The following UGT1A5 variants were observed in gnomAD, a reference collection of about 807,000 sequenced individuals.
The protein encoded by UGT1A5 is UDP glucuronosyltransferase family 1 member A5.
A neutral mutation model predicts 40.3 loss-of-function variants in UGT1A5; 29 were observed. That is an observed-to-expected ratio of 0.72 (90% CI 0.54 to 0.98). The LOEUF (loss-of-function observed/expected upper bound fraction) is 0.98, where lower values mean the gene tolerates loss of function less well. Ranked by LOEUF, UGT1A5 falls within the 50% of genes least tolerant of loss-of-function variation. The pLI is 0.00. For missense variants in UGT1A5, 678 were observed against 677.9 expected, an observed-to-expected ratio of 1.00 and a Z score of 0.00; for synonymous variants, 257 against 262.5, an observed-to-expected ratio of 0.98 and a Z score of 0.20.
Position 233,768,229 on chromosome 2 carries a change from T to C in UGT1A5, c.1097T>C (p.Met366Thr), listed in dbSNP as rs371224646. ...CTATTTTGCATCTCAGGTCACCCGATGACCCGTGCCTTTATCACCCATGCT... is the reference window on the plus strand; with the variant it reads ...CTATTTTGCATCTCAGGTCACCCGACGACCCGTGCCTTTATCACCCATGCT... Reference protein sequence around the residue: ...LPQNDLLGHPMTRAFITHAGS... With the variant: ...LPQNDLLGHPTTRAFITHAGS... Residue 366 changes from methionine to threonine, a missense_variant, in exon 4 of 5, where the codon ATG (methionine) becomes ACG (threonine). Coordinates refer to ENST00000373414, the MANE Select transcript of UGT1A5 (RefSeq NM_019078.2). 3.1e-6 allele frequency: 5 copies of C among 1,614,112 alleles called. No homozygotes were observed. The highest frequency in any genetic ancestry group is 4.2e-6 in the Non-Finnish European group (5 of 1,180,052).
chr2:233,756,838 A>G (rs967837640), intron 1 of UGT1A5, among the ~76,000 whole-genome samples: 1 of 152,148 alleles, frequency 6.6e-6, no homozygotes, highest in African/African-American at 2.4e-5. Context: ...ATGATTAACC[A>G]AAGAACATTC....
intron 1 of UGT1A5, among the ~76,000 whole-genome samples, chr2:233,756,964 A>T (rs1482766015): frequency 6.6e-6 from 1 of 152,056 alleles, no homozygotes; most frequent in African/African-American, 2.4e-5. Flanking sequence ...GGCACTTGGT[A>T]AGCACGCAAT....
chr2:233,730,559 G>A (rs1203367462), intron 1 of UGT1A5, among the ~76,000 whole-genome samples: 1 of 152,170 alleles, frequency 6.6e-6, no homozygotes, highest in Non-Finnish European at 1.5e-5. Context: ...ATTAGAGAAT[G>A]ACACACGAAG....
chr2:233,752,614 C>T (rs567429559), intron 1 of UGT1A5: 24 of 152,230 alleles, frequency 1.6e-4, no homozygotes, highest in African/African-American at 5.8e-4. Context: ...AAAACATTAG[C>T]TAGGTGTGGT....
chr2:233,746,374 T>C (rs1378448222), intron 1 of UGT1A5, among the ~76,000 whole-genome samples: 2 of 151,774 alleles, frequency 1.3e-5, no homozygotes, highest in African/African-American at 4.9e-5. Flanking sequence ...AGTCCCTTCA[T>C]TCTGATTTGA....
chr2:233,741,522 A>C (rs1173490557), intron 1 of UGT1A5: 1 of 151,908 alleles, frequency 6.6e-6, no homozygotes, highest in African/African-American at 2.4e-5. Flanking sequence ...AAGCCTTAAC[A>C]GTCTGTCTTA....
Position 233,747,385 on chromosome 2 carries a change from C to T in UGT1A5, c.868-19649C>T, listed in dbSNP as rs531193212. The T allele has an allele frequency of 6.7e-4, 1,075 of 1,604,740 alleles. 9 individuals are homozygous for T. The highest frequency in any genetic ancestry group is 4.1e-3 in the African/African-American group (305 of 74,460). Reference sequence around the variant, plus strand: ...GAGCTCCATGCCAGAGGCCACCAGGCGGTGGTCCTCACCCCAGAGGTGAAT... The same window carrying T: ...GAGCTCCATGCCAGAGGCCACCAGGTGGTGGTCCTCACCCCAGAGGTGAAT... On this transcript the variant is annotated intron_variant, in intron 1 of 4. Transcript: ENST00000373414.
intron 2 of UGT1A5, among the ~76,000 whole-genome samples, chr2:233,767,480 G>T (rs1699402121): frequency 6.6e-6 from 1 of 152,144 alleles, no homozygotes; most frequent in South Asian, 2.1e-4. Flanking sequence ...ATATTAAATA[G>T]AAGTATTTCT....
At chr2:233,754,258 T>C in intron 1 of UGT1A5, 1 of 170,430 alleles carries the variant, frequency 5.9e-6, no homozygotes, top group Middle Eastern at 2.9e-3. Context: ...CGGAAAAAGG[T>C]AAGGCTCAAA....
intron 1 of UGT1A5, chr2:233,760,313 G>T (rs761736540): frequency 6.2e-7 from 1 of 1,613,818 alleles, no homozygotes. Context: ...CAGGGCGGAC[G>T]CCCACTTGTC....
In UGT1A5 at chr2:233,750,906, G is replaced by C. The variant is rs147161885; in HGVS notation, c.868-16128G>C. Among the ~76,000 whole-genome samples, 893 of 152,034 alleles carry C rather than the reference G, an allele frequency of 5.9e-3. 37 individuals carry two copies. Among genetic ancestry groups the C allele is most frequent in the African/African-American group, 0.021 (857 of 41,250 alleles). On this transcript the variant is annotated intron_variant, in intron 1 of 4. Coordinates refer to ENST00000373414, the MANE Select transcript of UGT1A5 (RefSeq NM_019078.2). ...GCCCTTATAGAGAACCTCTGCTAGA[G>C]AAGGGTGGTAAAGAAATGTGAGGTT...
intron 4 of UGT1A5, 80 bp from the exon 5 acceptor site, chr2:233,772,181 TC>T: frequency 6.3e-7 from 1 of 1,588,120 alleles, no homozygotes; most frequent in Non-Finnish European, 8.6e-7. Context: ...CTGGTAGTCT[TC>T]TTAAGCAGCC....
Position 233,744,054 on chromosome 2 carries a change from T to C in UGT1A5, c.868-22980T>C, listed in dbSNP as rs150741507. ...TTATGACGCAGCCACATCTCATTGG[T>C]CGAGGCCTATGAGCGCCTCGCATCC... On this transcript the variant is annotated intron_variant, in intron 1 of 4. Transcript: ENST00000373414. The C allele has an allele frequency of 5.9e-3, 3,770 of 635,096 alleles. 152 individuals carry two copies. In the East Asian group the frequency reaches 0.082, roughly 14 times the overall value. 39.3% of individuals were successfully genotyped at this position (635,096 alleles called of 1,614,324 possible).
chr2:233,755,220 T>A, intron 1 of UGT1A5: 1 of 1,009,650 alleles, frequency 9.9e-7, no homozygotes, highest in South Asian at 1.3e-5. Context: ...CTTGATACCC[T>A]CGGACGAGGC....
At chr2:233,747,889 C>G (rs1274333143) in intron 1 of UGT1A5, 6 of 1,613,432 alleles carry the variant, frequency 3.7e-6, no homozygotes, top group Non-Finnish European at 4.2e-6. Context: ...CTTTGCCATG[C>G]TCTTTCTGCT....
rs28900403 is a variant in UGT1A5 at position 233,768,158 on chromosome 2, A to G, written c.1088-62A>G. 1.0e-3 allele frequency: 1,655 copies of G among 1,613,190 alleles called. 19 individuals are homozygous for G. The African/African-American group carries it at 0.019, about 19-fold the overall frequency. On this transcript the variant is annotated intron_variant, in intron 3 of 4. Transcript: ENST00000373414. ...TCTTTGGAGTGTTTTCAGAACCTAG[A>G]TGTGTCCAGCTGTGAAACTCAGAGA...
chr2:233,735,863 T>C (rs1339827457), intron 1 of UGT1A5, among the ~76,000 whole-genome samples: 2 of 151,778 alleles, frequency 1.3e-5, no homozygotes, highest in Non-Finnish European at 2.9e-5. Context: ...CTTGTAGGGT[T>C]TCTGCAGAGA....
chr2:233,770,092 A>G (rs969996398), intron 4 of UGT1A5: 1 of 152,744 alleles, frequency 6.5e-6, no homozygotes, highest in Non-Finnish European at 1.5e-5. Flanking sequence ...AGTGGTATAG[A>G]TAACTACTTG....
intron 1 of UGT1A5, among the ~76,000 whole-genome samples, chr2:233,726,081 A>G (rs1169774855): frequency 6.6e-6 from 1 of 152,170 alleles, no homozygotes; most frequent in Non-Finnish European, 1.5e-5. Flanking sequence ...CAGGAGGATT[A>G]CTTGATCCGA....
Sources: allele counts gnomAD v4.1 joint callset (sites outside exome capture counted in the v4.1 genomes callset), GRCh38; gene constraint gnomAD v4.1.1; transcripts MANE v1.5; gene names NCBI Gene and HGNC (gene_info 2026-07-23, HGNC 2026-07-21).